The following ARNT variants were observed in gnomAD, a reference collection of about 807,000 sequenced individuals.
ARNT encodes the protein class E basic helix-loop-helix protein 2.
Under a neutral mutation model 105.0 loss-of-function variants are expected in ARNT, and 30 were observed. The observed-to-expected ratio is 0.29, with a 90% CI of 0.21 to 0.39. ARNT has a LOEUF of 0.39. ARNT is among the 10% of genes least tolerant of loss of function. ARNT has a pLI of 1.00. For synonymous variants in ARNT, 304 were observed against 344.0 expected, an observed-to-expected ratio of 0.88 and a Z score of 1.29; for missense variants, 748 against 978.7, an observed-to-expected ratio of 0.76 and a Z score of 3.15.
rs1660981930 is a variant in ARNT at position 150,839,939 on chromosome 1, AG to A, written c.273-286del. On this transcript the variant is annotated intron_variant, in intron 5 of 21. Transcript: ENST00000358595. ...TAAATTACCACTCCCTCAGAACAAA[AG>A]CTGTTTTAAGAAACGACAGGTCAGG... is the stretch of plus-strand genomic sequence containing the variant. Among the ~76,000 whole-genome samples, 7 of 152,276 alleles carry A rather than the reference AG, an allele frequency of 4.6e-5. 1 individual carries two copies. In the South Asian group the frequency reaches 1.2e-3, roughly 27 times the overall value.
chr1:150,868,090 G>A (rs753685920), intron 1 of ARNT, among the ~76,000 whole-genome samples: 16 of 152,028 alleles, frequency 1.1e-4, no homozygotes, highest in Non-Finnish European at 1.9e-4. Flanking sequence ...AAGTAGGAAG[G>A]CAAGCAGCTA....
At position 150,816,811 on chromosome 1, in the gene ARNT, G is replaced by T; in HGVS notation, c.1779C>A (p.Thr593=). 3 of 1,586,902 alleles carry T rather than the reference G, an allele frequency of 1.9e-6. No homozygotes were observed. The South Asian group carries it at 3.4e-5, about 18-fold the overall frequency. The part of the protein sequence containing the change: ...LFSQGNTFPP[T]PRPAENFRNS... ...ACCTGAAATTCTCTGCCGGCCGGGG[G>T]GTAGGAGGGAATGTGTTGCCCTGGG... The change falls in exon 18 of 22, where the codon ACC becomes ACA. Residue 593 remains threonine, a synonymous_variant. Transcript: ENST00000358595.
intron 9 of ARNT, 59 bp from the exon 10 acceptor site, chr1:150,831,962 G>T: frequency 9.1e-7 from 1 of 1,094,070 alleles, no homozygotes. Context: ...AAACTCAAAG[G>T]GCAATGCTGC....
In ARNT at chr1:150,823,218, A is replaced by G; in HGVS notation, c.1370T>C (p.Ile457Thr). ...CTTCACATTGGTGTTGGTACAGATG[A>G]TGTACTCAATTTCATCTGAGTAAGG... ...QNPYSDEIEY[I>T]ICTNTNVKNS... The change falls in exon 14 of 22, where the codon ATC becomes ACC. Residue 457 changes from isoleucine to threonine, a missense_variant. By Grantham distance (89) the Ile-to-Thr change is moderately conservative. This residue lies in a region of ARNT where 360 missense variants were observed against 411.9 expected (regional missense o/e 0.87). Coordinates refer to ENST00000358595, the MANE Select transcript of ARNT (RefSeq NM_001668.4). 1 of 1,612,608 alleles carries G rather than the reference A, an allele frequency of 6.2e-7. No homozygotes were observed.
intron 3 of ARNT, among the ~76,000 whole-genome samples, chr1:150,850,037 GGAAGACT>G (rs1248388787): frequency 6.6e-6 from 1 of 152,132 alleles, no homozygotes; most frequent in Non-Finnish European, 1.5e-5. Context: ...GGGCAACAGA[GGAAGACT>G]CTGTCTCAAA....
intron 1 of ARNT, among the ~76,000 whole-genome samples, chr1:150,868,624 G>A (rs779375203): frequency 8.6e-4 from 129 of 150,616 alleles, no homozygotes; most frequent in Non-Finnish European, 1.6e-3. Context: ...TGGGCAGGCC[G>A]GGCGCGGTGG....
chr1:150,843,719 G>A (rs1661674136), intron 4 of ARNT, among the ~76,000 whole-genome samples: 1 of 151,924 alleles, frequency 6.6e-6, no homozygotes, highest in Non-Finnish European at 1.5e-5. Flanking sequence ...ACAGGCATAA[G>A]CCACCACTCC....
Position 150,836,499 on chromosome 1 carries a change from C to T in ARNT, c.487-6G>A. ...AAGATCAAATGTTTCAGTTCCTGCG[C>T]AAGAAAAAGAAATAGAAGTTAATAT... is the stretch of plus-strand genomic sequence containing the variant. On this transcript the variant is annotated splice_polypyrimidine_tract_variant and splice_region_variant and intron_variant, in intron 6 of 21. Coordinates refer to ENST00000358595, the MANE Select transcript of ARNT (RefSeq NM_001668.4). 6.2e-7 allele frequency: 1 copy of T among 1,611,694 alleles called. No homozygotes were observed. Among genetic ancestry groups the T allele is most frequent in the Non-Finnish European group, 8.5e-7 (1 of 1,179,052 alleles).
chr1:150,828,993 C>T, intron 12 of ARNT, 100 bp downstream of exon 12: 1 of 1,378,044 alleles, frequency 7.3e-7, no homozygotes, highest in South Asian at 1.5e-5. Flanking sequence ...TTTTTCTTAA[C>T]TGAGGTTGAT....
chr1:150,865,081 A>T (rs893303768), intron 1 of ARNT, among the ~76,000 whole-genome samples: 1 of 151,962 alleles, frequency 6.6e-6, no homozygotes, highest in Non-Finnish European at 1.5e-5. Context: ...AAGTAATAGA[A>T]GTAGGAAGAC....
Position 150,858,355 on chromosome 1 carries a change from C to T in ARNT, c.131G>A (p.Arg44Gln), listed in dbSNP as rs764626976. The part of the protein sequence containing the change: ...GAIVQRAIKR[R>Q]PGLDFDDDGE... ...ACACTACACTCAAACTCACCCTGGT[C>T]GCCGCTTAATAGCCCTCTGGACAAT... The change falls in exon 2 of 22, where the codon CGA (arginine) becomes CAA (glutamine). Residue 44 changes from arginine (R) to glutamine (Q), a missense_variant. Arg to Gln is a conservative substitution (Grantham distance 43). This residue lies in a region of ARNT where 93 missense variants were observed against 101.6 expected (regional missense o/e 0.92). Coordinates refer to ENST00000358595, the MANE Select transcript of ARNT (RefSeq NM_001668.4). 1.9e-5 allele frequency: 30 copies of T among 1,604,320 alleles called. No individual in the cohort carries two copies. The highest frequency in any genetic ancestry group is 1.7e-4 in the Admixed American group (10 of 59,030).
intron 2 of ARNT, among the ~76,000 whole-genome samples, chr1:150,857,133 T>C (rs1417491058): frequency 2.0e-5 from 3 of 152,248 alleles, no homozygotes; most frequent in South Asian, 4.1e-4. Context: ...GTACATGTTA[T>C]ACATATCTTT....
chr1:150,812,061 T>C lies in ARNT; in HGVS notation c.2330A>G (p.Glu777Gly). 1 of 1,572,812 alleles carries C rather than the reference T, an allele frequency of 6.4e-7. No individual in the cohort carries two copies. Residue 777 changes from glutamate (E) to glycine (G), a missense_variant, in exon 22 of 22, where the codon GAA (glutamate) becomes GGA (glycine). By Grantham distance (98) the Glu-to-Gly change is moderately conservative (BLOSUM62 -2). Around this residue, in one of 4 missense-constraint regions of ARNT, gnomAD observed 360 missense variants for 411.9 expected, o/e 0.87. Transcript: ENST00000358595. ...GGGAAACATAGTTAGATCAGGGAAT[T>C]CTTCATTGTTGTAGCTGTTGCTCTG... is the stretch of plus-strand genomic sequence containing the variant. ...GDQSNSYNNE[E>G]FPDLTMFPPF... is the part of the protein sequence containing the mutation.
At position 150,811,367 on chromosome 1, in the gene ARNT, A is replaced by G. The variant is rs587600295; in HGVS notation, c.*654T>C. ...GATTTAACTCCTTAGGACTCTTTGA[A>G]AAGTACACAGAAAGACAAAGGTAAA... On this transcript the variant is annotated 3_prime_UTR_variant, in exon 22 of 22. Coordinates refer to ENST00000358595, the MANE Select transcript of ARNT (RefSeq NM_001668.4). 704 of 233,748 alleles carry G rather than the reference A, an allele frequency of 3.0e-3. 1 individual carries two copies. Among genetic ancestry groups the G allele is most frequent in the Non-Finnish European group, 4.8e-3 (565 of 117,984 alleles). The allele number at this position is 233,748 out of a possible 1,614,324, so 14.5% of individuals were successfully genotyped here.
intron 6 of ARNT, among the ~76,000 whole-genome samples, chr1:150,837,381 T>C (rs10305691): frequency 1.6e-4 from 25 of 152,320 alleles, no homozygotes; most frequent in African/African-American, 6.0e-4. Context: ...TTGGTTTTTG[T>C]TCTGCCAGGA....
intron 2 of ARNT, among the ~76,000 whole-genome samples, chr1:150,857,137 T>C (rs1664767395): frequency 6.6e-6 from 1 of 152,226 alleles, no homozygotes; most frequent in South Asian, 2.1e-4. Flanking sequence ...ATGTTATACA[T>C]ATCTTTTGAC....
At chr1:150,827,263 TACC>T (rs1658483114) in intron 12 of ARNT, among the ~76,000 whole-genome samples, 1 of 152,210 alleles carries the variant, frequency 6.6e-6, no homozygotes, top group African/African-American at 2.4e-5. Flanking sequence ...GTGCAATGAT[TACC>T]ACAATCCAGT....
chr1:150,813,236 C>T lies in ARNT; in HGVS notation c.2216G>A (p.Ser739Asn), dbSNP rs753348131. The T allele has an allele frequency of 6.2e-7, 1 of 1,613,792 alleles. No homozygotes were observed. Among genetic ancestry groups the T allele is most frequent in the African/African-American group, 1.3e-5 (1 of 74,920 alleles). ...WQGQQPHHRS[S>N]SSEQHVQQPP... ...TTGTTGAACATGTTGCTCACTAGAA[C>T]TTGAACGATGATGAGGCTGCTGGCC... Residue 739 changes from serine (S) to asparagine (N), a missense_variant, in exon 21 of 22, where the codon AGT (serine) becomes AAT (asparagine). By Grantham distance (46) the Ser-to-Asn change is conservative. This residue lies in a region of ARNT where 360 missense variants were observed against 411.9 expected (regional missense o/e 0.87). Transcript: ENST00000358595.
Position 150,809,858 on chromosome 1 carries a change from G to C in ARNT, c.*2163C>G, listed in dbSNP as rs1245105008. 2 of 223,604 alleles carry C rather than the reference G, an allele frequency of 8.9e-6. No homozygotes were observed. The highest frequency in any genetic ancestry group is 6.4e-5 in the East Asian group (1 of 15,560). The allele number at this position is 223,604 out of a possible 1,614,324, so 13.9% of individuals were successfully genotyped here. On this transcript the variant is annotated 3_prime_UTR_variant, in exon 22 of 22. Transcript: ENST00000358595. Reference sequence around the variant, plus strand: ...CCCCAAAACCCCCACCTCATGGTCAGAGCATTCCTGCTGATGTTACTCAGA... The same window carrying C: ...CCCCAAAACCCCCACCTCATGGTCACAGCATTCCTGCTGATGTTACTCAGA...
Sources: gnomAD v4.1 joint callset for allele counts (sites outside exome capture counted in the v4.1 genomes callset) on GRCh38, gnomAD v4.1.1 for gene constraint, gnomAD v4.1.1 regional missense constraint, MANE v1.5 for transcripts, NCBI Gene and HGNC (gene_info 2026-07-23, HGNC 2026-07-21) for gene names.